The following HORMAD2 variants were observed in gnomAD, a reference collection of about 807,000 sequenced individuals.
HORMAD2 encodes HORMA domain-containing protein 2.
In HORMAD2, 45 loss-of-function variants were observed where a neutral mutation model predicts 38.8. The observed-to-expected ratio is 1.16, with a 90% confidence interval of 0.91 to 1.49. HORMAD2 has a LOEUF of 1.49. HORMAD2 is among the 40% of genes most tolerant of loss of function. The pLI is 0.00. For synonymous variants in HORMAD2, 126 were observed against 122.8 expected, an observed-to-expected ratio of 1.03 and a Z score of -0.17; for missense variants, 338 against 367.0, an observed-to-expected ratio of 0.92 and a Z score of 0.65.
chr22:30,179,815 G>A (rs1601605624), downstream of HORMAD2, among the ~76,000 whole-genome samples: 1 of 152,208 alleles, frequency 6.6e-6, no homozygotes, highest in East Asian at 1.9e-4. Context: ...TCAGCTTCAG[G>A]GCTTTTTCCT....
chr22:30,164,035 G>A (rs1925620383), intron 10 of HORMAD2, among the ~76,000 whole-genome samples: 1 of 152,104 alleles, frequency 6.6e-6, no homozygotes. Flanking sequence ...CCTTACACAA[G>A]TGGAATTATA....
upstream of HORMAD2, among the ~76,000 whole-genome samples, chr22:30,078,615 A>C (rs1460384909): frequency 4.1e-5 from 6 of 145,732 alleles, no homozygotes; most frequent in African/African-American, 1.0e-4. Flanking sequence ...CACAAAAAAA[A>C]AAAAAAAAAA....
the HORMAD2 span, among the ~76,000 whole-genome samples, chr22:30,188,670 T>C: frequency 6.6e-6 from 1 of 152,236 alleles, no homozygotes; most frequent in Non-Finnish European, 1.5e-5. Context: ...TGTATCTTAA[T>C]TGCTAAGTCA....
chr22:30,120,028 C>T (rs1291208926), intron 8 of HORMAD2, among the ~76,000 whole-genome samples: 1 of 152,184 alleles, frequency 6.6e-6, no homozygotes, highest in African/African-American at 2.4e-5. Flanking sequence ...CACGTTTTCT[C>T]ACATAAAAAG....
At chr22:30,197,763 CAAT>C in the HORMAD2 span, among the ~76,000 whole-genome samples, 5 of 151,622 alleles carry the variant, frequency 3.3e-5, no homozygotes, top group Non-Finnish European at 7.4e-5. Context: ...GAAAAGATAC[CAAT>C]AATGAGTTAA....
intron 10 of HORMAD2, among the ~76,000 whole-genome samples, chr22:30,156,340 ATAT>A (rs1391814445): frequency 6.6e-6 from 1 of 152,224 alleles, no homozygotes; most frequent in Non-Finnish European, 1.5e-5. Flanking sequence ...AAAAAAGCAT[ATAT>A]TATTAGTATT....
In HORMAD2 at chr22:30,164,165, T is replaced by A. The variant is rs189913745; in HGVS notation, c.820-11898T>A. Among the ~76,000 whole-genome samples, 366 of 152,326 alleles carry A rather than the reference T, an allele frequency of 2.4e-3. 1 individual carries two copies. The highest frequency in any genetic ancestry group is 7.2e-4 in the Non-Finnish European group (49 of 68,018). ...TAAAGCTGAATAATATTCCATTGTATGTATATACCATATTTTGTTTATCCA... is the reference window on the plus strand; with the variant it reads ...TAAAGCTGAATAATATTCCATTGTAAGTATATACCATATTTTGTTTATCCA... On this transcript the variant is annotated intron_variant, in intron 10 of 10. Transcript: ENST00000336726.
chr22:30,125,351 C>T (rs1383152483), intron 10 of HORMAD2, among the ~76,000 whole-genome samples: 1 of 150,268 alleles, frequency 6.7e-6, no homozygotes, highest in Non-Finnish European at 1.5e-5. Context: ...GCCTCAGCCT[C>T]CTGAGTAGCT....
chr22:30,090,734 A>T (rs1265355293), intron 1 of HORMAD2, among the ~76,000 whole-genome samples: 2 of 152,206 alleles, frequency 1.3e-5, no homozygotes, highest in Non-Finnish European at 2.9e-5. Context: ...CATTTATAAA[A>T]TTTTTAATTG....
the HORMAD2 span, among the ~76,000 whole-genome samples, chr22:30,203,165 C>T: frequency 1.1e-4 from 16 of 152,228 alleles, no homozygotes; most frequent in African/African-American, 2.6e-4. Context: ...GAGGCCGAGG[C>T]GGGTGGATCA....
At chr22:30,190,142 A>G in the HORMAD2 span, among the ~76,000 whole-genome samples, 1 of 152,190 alleles carries the variant, frequency 6.6e-6, no homozygotes, top group Admixed American at 6.5e-5. Flanking sequence ...GGGGATAATC[A>G]TTCTTTACAA....
intron 10 of HORMAD2, among the ~76,000 whole-genome samples, chr22:30,146,266 G>A (rs1439722405): frequency 1.3e-5 from 2 of 152,204 alleles, no homozygotes; most frequent in Non-Finnish European, 2.9e-5. Flanking sequence ...GCTGAGGCCA[G>A]TGGATCACGA....
chr22:30,157,790 A>G (rs544827336), intron 10 of HORMAD2, among the ~76,000 whole-genome samples: 5 of 152,308 alleles, frequency 3.3e-5, no homozygotes, highest in Non-Finnish European at 7.4e-5. Context: ...TGTCACTCAG[A>G]GATCCCTTAT....
At chr22:30,133,466 C>CATAT (rs60408642) in intron 10 of HORMAD2, among the ~76,000 whole-genome samples, 2,093 of 147,198 alleles carry the variant, frequency 0.014, 41 homozygotes, top group African/African-American at 0.049. Context: ...TATATATATA[C>CATAT]ATATATATAT....
intron 10 of HORMAD2, among the ~76,000 whole-genome samples, chr22:30,138,893 C>G (rs1231236610): frequency 1.3e-5 from 2 of 152,114 alleles, no homozygotes; most frequent in Non-Finnish European, 2.9e-5. Context: ...GAGGGTGCTA[C>G]TGGATGAAAT....
At chr22:30,139,347 CAT>C (rs990719167) in intron 10 of HORMAD2, among the ~76,000 whole-genome samples, 1 of 131,822 alleles carries the variant, frequency 7.6e-6, no homozygotes, top group Non-Finnish European at 1.6e-5. Flanking sequence ...TCTCTCTCTA[CAT>C]ATATATATAC....
the HORMAD2 span, among the ~76,000 whole-genome samples, chr22:30,187,827 T>C: frequency 1.3e-5 from 2 of 151,992 alleles, no homozygotes; most frequent in Non-Finnish European, 2.9e-5. Flanking sequence ...ACTTTTTCCT[T>C]CAAAGCATTT....
the HORMAD2 span, among the ~76,000 whole-genome samples, chr22:30,201,658 C>A: frequency 6.6e-6 from 1 of 152,020 alleles, no homozygotes; most frequent in Non-Finnish European, 1.5e-5. Flanking sequence ...CCTCATGATC[C>A]GCCCGCCTCG....
chr22:30,180,089 C>T (rs552796568), downstream of HORMAD2, among the ~76,000 whole-genome samples: 1 of 152,076 alleles, frequency 6.6e-6, no homozygotes, highest in Admixed American at 6.6e-5. Context: ...GAGGTTTTGC[C>T]ATGTTGCCCA....
Sources: gnomAD v4.1 joint callset for allele counts (sites outside exome capture counted in the v4.1 genomes callset) on GRCh38, gnomAD v4.1.1 for gene constraint, MANE v1.5 for transcripts, NCBI Gene and HGNC (gene_info 2026-07-23, HGNC 2026-07-21) for gene names.